The following SLC16A4 variants were observed in gnomAD, a reference collection of about 807,000 sequenced individuals.
SLC16A4 encodes probable monocarboxylate transporter 5.
A neutral mutation model predicts 47.9 loss-of-function variants in SLC16A4; 39 were observed. The ratio of observed to expected loss-of-function variants is 0.81; its 90% CI spans 0.63 to 1.06. SLC16A4 has a LOEUF of 1.06. Ranked by LOEUF, SLC16A4 falls within the 50% of genes least tolerant of loss-of-function variation. The pLI is 0.00. For synonymous variants in SLC16A4, 189 were observed against 199.9 expected (o/e 0.95, Z 0.46); for missense variants, 524 against 573.8 (o/e 0.91, Z 0.89).
intron 8 of SLC16A4, chr1:110,371,184 A>T (rs992713724): frequency 6.6e-6 from 1 of 152,242 alleles, no homozygotes; most frequent in South Asian, 2.1e-4. Context: ...AAGTAATCAA[A>T]TAATTACTTA....
intron 2 of SLC16A4, among the ~76,000 whole-genome samples, chr1:110,386,254 C>T (rs1662726915): frequency 6.6e-6 from 1 of 152,230 alleles, no homozygotes; most frequent in African/African-American, 2.4e-5. Flanking sequence ...TTTGCACCTA[C>T]CATGCTTCCC....
At chr1:110,383,343 G>C (rs1459446619) in intron 2 of SLC16A4, among the ~76,000 whole-genome samples, 1 of 152,214 alleles carries the variant, frequency 6.6e-6, no homozygotes. Context: ...CATTGTGCAA[G>C]AGACTGGAGT....
intron 8 of SLC16A4, chr1:110,372,093 A>T (rs1189612557): frequency 6.6e-6 from 1 of 152,170 alleles, no homozygotes; most frequent in Non-Finnish European, 1.5e-5. Flanking sequence ...AATTATTAAA[A>T]TATGTTGCAT....
At position 110,379,090 on chromosome 1, in the gene SLC16A4, C is replaced by T; in HGVS notation, c.793G>A (p.Gly265Arg). ...AATAACAGTCTGTTCCTGTTAGGCC[C>T]ATTGTAGAACTCTTCACTTTGATTT... ...SQNQSEEFYNGPNRNRLLLKS... is the reference protein window; with the variant it reads ...SQNQSEEFYNRPNRNRLLLKS... Residue 265 changes from glycine to arginine, a missense_variant, in exon 6 of 9, where the codon GGG becomes AGG. Coordinates refer to ENST00000369779, the MANE Select transcript of SLC16A4 (RefSeq NM_004696.3). The T allele has an allele frequency of 6.2e-7, 1 of 1,614,176 alleles. No homozygotes were observed. Among genetic ancestry groups the T allele is most frequent in the Non-Finnish European group, 8.5e-7 (1 of 1,180,036 alleles).
At chr1:110,374,520 C>T (rs981616747) in intron 8 of SLC16A4, among the ~76,000 whole-genome samples, 1 of 152,198 alleles carries the variant, frequency 6.6e-6, no homozygotes, top group African/African-American at 2.4e-5. Flanking sequence ...AATTTGTACA[C>T]TGAAATACAT....
chr1:110,376,844 T>G (rs1485073497), intron 7 of SLC16A4, 106 bp downstream of exon 7: 65 of 970,124 alleles, frequency 6.7e-5, no homozygotes, highest in Non-Finnish European at 9.9e-5. Flanking sequence ...TTTGAAATGA[T>G]TTTTTAAGTT....
At chr1:110,383,043 A>G in intron 2 of SLC16A4, 77 bp from the exon 3 acceptor site, 2 of 1,346,982 alleles carry the variant, frequency 1.5e-6, no homozygotes, top group African/African-American at 1.5e-5. Context: ...ACTAGAAGTT[A>G]TGATTCCCTC....
Position 110,377,073 on chromosome 1 carries a change from G to A in SLC16A4, c.1119C>T (p.Leu373=), listed in dbSNP as rs766481494. The change falls in exon 7 of 9, where the codon CTC becomes CTT. Residue 373 remains leucine (L), a synonymous_variant. Transcript: ENST00000369779. ...IKKYHYHKSY[L]ILCGITNLLA... is the part of the protein sequence containing the mutation. ...GCAGGTTAGTGATGCCGCAGAGGATGAGGTAAGACTTGTGGTAATGATACT... is the reference window on the plus strand; with the variant it reads ...GCAGGTTAGTGATGCCGCAGAGGATAAGGTAAGACTTGTGGTAATGATACT... 61 of 1,614,114 alleles carry A rather than the reference G, an allele frequency of 3.8e-5. 1 individual carries two copies. Among genetic ancestry groups the A allele is most frequent in the Non-Finnish European group, 5.2e-5 (61 of 1,179,976 alleles).
chr1:110,366,101 TACACACACACAC>T (rs112827792), intron 8 of SLC16A4, among the ~76,000 whole-genome samples: 21 of 143,938 alleles, frequency 1.5e-4, no homozygotes, highest in South Asian at 9.0e-4. Context: ...CCTTTCATTT[TACACACACACAC>T]ACACACACAC....
At chr1:110,371,486 T>A (rs1025329372) in intron 8 of SLC16A4, 1 of 152,250 alleles carries the variant, frequency 6.6e-6, no homozygotes, top group East Asian at 1.9e-4. Context: ...TGATTAGATA[T>A]ACTTGCTTTT....
intron 1 of SLC16A4, 109 bp from the exon 2 acceptor site, chr1:110,389,464 A>G: frequency 1.4e-6 from 1 of 733,314 alleles, no homozygotes; most frequent in African/African-American, 1.8e-5. Context: ...AATGCAAATT[A>G]GTTCAGCCAC....
In SLC16A4 at chr1:110,380,764, G is replaced by T. The variant is rs3889113; in HGVS notation, c.526+218C>A. On this transcript the variant is annotated intron_variant, in intron 5 of 8. Coordinates refer to ENST00000369779, the MANE Select transcript of SLC16A4 (RefSeq NM_004696.3). The stretch of plus-strand genomic sequence containing the variant: ...CTATGGTGAATTCTGAGTTGCTTGT[G>T]TGAGCTGGCAAAGCCTGCAAGTATT... Among the ~76,000 whole-genome samples, 195 of 152,304 alleles carry T rather than the reference G, an allele frequency of 1.3e-3. 2 individuals are homozygous for T. Among genetic ancestry groups the T allele is most frequent in the Admixed American group, 7.2e-3 (110 of 15,300 alleles).
At chr1:110,380,852 G>T in intron 5 of SLC16A4, 130 bp downstream of exon 5, 2 of 765,248 alleles carry the variant, frequency 2.6e-6, no homozygotes, top group South Asian at 1.7e-5. Context: ...TAGAAATTAT[G>T]CTCATTTCCT....
intron 8 of SLC16A4, 44 bp downstream of exon 8, chr1:110,375,412 CTT>C (rs750847588): frequency 1.9e-6 from 2 of 1,075,940 alleles, no homozygotes; most frequent in East Asian, 4.7e-5. Context: ...CAGTTTTTCT[CTT>C]TTATTGCTAT....
At chr1:110,365,555 G>A (rs1029380846) in intron 8 of SLC16A4, among the ~76,000 whole-genome samples, 4 of 152,140 alleles carry the variant, frequency 2.6e-5, no homozygotes, top group African/African-American at 7.2e-5. Context: ...GGAGTTACTG[G>A]AGTGAAAACA....
At position 110,363,715 on chromosome 1, in the gene SLC16A4, A is replaced by T. The variant is rs746795900; in HGVS notation, c.*51T>A. ...TCAAGCTTTTGTTTCCAATGACATT[A>T]GTTTAGGTTTTCTTTTGTTTAGCTC... On this transcript the variant is annotated 3_prime_UTR_variant, in exon 9 of 9. Coordinates refer to ENST00000369779, the MANE Select transcript of SLC16A4 (RefSeq NM_004696.3). The T allele has an allele frequency of 9.3e-6, 14 of 1,507,672 alleles. No homozygotes were observed. Among genetic ancestry groups the T allele is most frequent in the African/African-American group, 2.8e-5 (2 of 70,184 alleles). The allele number at this position is 1,507,672 out of a possible 1,614,324, so 93.4% of individuals were successfully genotyped here. A position where few individuals can be genotyped will look rare whatever the true frequency, so the allele number is the denominator to read the frequency against.
In SLC16A4 at chr1:110,375,703, A is replaced by G. The variant is rs953439428; in HGVS notation, c.1243-152T>C. 5.5e-6 allele frequency: 3 copies of G among 542,626 alleles called. No individual in the cohort carries two copies. The Admixed American group carries it at 9.1e-5, about 17-fold the overall frequency. 33.6% of individuals were successfully genotyped at this position (542,626 alleles called of 1,614,324 possible). Reference sequence around the variant, plus strand: ...TTGGCTTTTTGCCCCCAATATTGTGAAAGAGCTGAGGACTAATAGCGAACA... The same window carrying G: ...TTGGCTTTTTGCCCCCAATATTGTGGAAGAGCTGAGGACTAATAGCGAACA... On this transcript the variant is annotated intron_variant, in intron 7 of 8. Coordinates refer to ENST00000369779, the MANE Select transcript of SLC16A4 (RefSeq NM_004696.3).
intron 8 of SLC16A4, chr1:110,371,298 T>C (rs1052447399): frequency 6.6e-6 from 1 of 152,178 alleles, no homozygotes; most frequent in Non-Finnish European, 1.5e-5. Context: ...GAGGGGAATA[T>C]GGAGAAGTGG....
intron 2 of SLC16A4, among the ~76,000 whole-genome samples, chr1:110,388,459 A>G (rs1278246611): frequency 1.3e-5 from 2 of 152,198 alleles, no homozygotes; most frequent in African/African-American, 4.8e-5. Context: ...CAGCAGGCCA[A>G]ACAGAGGAAA....
Sources: gnomAD v4.1 joint callset for allele counts (sites outside exome capture counted in the v4.1 genomes callset) on GRCh38, gnomAD v4.1.1 for gene constraint, MANE v1.5 for transcripts, NCBI Gene and HGNC (gene_info 2026-07-23, HGNC 2026-07-21) for gene names.